Variants in RNLS observed in about 807,000 individuals in gnomAD.
RNLS encodes the protein renalase, FAD dependent amine oxidase.
RNLS carries 39 observed loss-of-function variants against 39.8 expected under a neutral mutation model. The observed-to-expected ratio is 0.98, with a 90% CI of 0.76 to 1.28. RNLS has a LOEUF of 1.28. Among genes scored for constraint, RNLS ranks in the 50% most tolerant of loss-of-function variants. The pLI is 0.00. For missense variants in RNLS, 410 were observed against 413.3 expected (o/e 0.99, Z 0.07); for synonymous variants, 147 against 150.7 (o/e 0.98, Z 0.18).
chr10:88,404,836 C>T (rs1853162464), intron 4 of RNLS, among the ~76,000 whole-genome samples: 1 of 151,976 alleles, frequency 6.6e-6, no homozygotes, highest in Non-Finnish European at 1.5e-5. Context: ...AGGCATGAAC[C>T]TGTCAAAAAG....
At chr10:88,400,524 T>C (rs1852849376) in intron 4 of RNLS, among the ~76,000 whole-genome samples, 1 of 152,018 alleles carries the variant, frequency 6.6e-6, no homozygotes, top group African/African-American at 2.4e-5. Context: ...GATATCTCTA[T>C]CCTCTTTACT....
At chr10:88,508,013 C>A (rs923765880) in intron 4 of RNLS, among the ~76,000 whole-genome samples, 2 of 152,114 alleles carry the variant, frequency 1.3e-5, no homozygotes, top group Non-Finnish European at 2.9e-5. Context: ...AAATGAATCA[C>A]CATTCTTTGA....
In RNLS at chr10:88,501,865, G is replaced by T. The variant is rs147527089; in HGVS notation, c.526+71038C>A. 7.2e-5 allele frequency among the ~76,000 whole-genome samples: 11 copies of T among 152,176 alleles called. No individual in the cohort carries two copies. The East Asian group carries it at 2.1e-3, about 29-fold the overall frequency. ...TCTCTTATTTTGCTCATCCAGACAA[G>T]AAATTTGTTCCATATGATCTTCACT... On this transcript the variant is annotated intron_variant, in intron 4 of 6. Transcript: ENST00000331772.
intron 4 of RNLS, among the ~76,000 whole-genome samples, chr10:88,511,690 A>G (rs1846130728): frequency 6.6e-6 from 1 of 152,142 alleles, no homozygotes; most frequent in Admixed American, 6.6e-5. Flanking sequence ...GTGCTGTCCC[A>G]GAAGCCAAGT....
chr10:88,321,073 A>T (rs1846153566), intron 5 of RNLS, among the ~76,000 whole-genome samples: 1 of 151,966 alleles, frequency 6.6e-6, no homozygotes, highest in African/African-American at 2.4e-5. Flanking sequence ...TAATACATTT[A>T]AAAACATCAA....
chr10:88,239,335 G>A, the RNLS span, among the ~76,000 whole-genome samples: 1 of 152,140 alleles, frequency 6.6e-6, no homozygotes, highest in East Asian at 1.9e-4. Context: ...TGGATCAGCA[G>A]GAGACTGCTC....
chr10:88,510,701 G>A (rs891808764), intron 4 of RNLS, among the ~76,000 whole-genome samples: 6 of 151,656 alleles, frequency 4.0e-5, no homozygotes, highest in Non-Finnish European at 7.4e-5. Flanking sequence ...AAAATTAGCC[G>A]GGCATGGTGG....
intron 4 of RNLS, among the ~76,000 whole-genome samples, chr10:88,444,316 C>T (rs1426786227): frequency 6.6e-6 from 1 of 152,144 alleles, no homozygotes; most frequent in Non-Finnish European, 1.5e-5. Context: ...CAAAACCCCA[C>T]CTGTACGTCA....
Position 88,362,842 on chromosome 10 carries a change from T to G in RNLS, c.527-117A>C, listed in dbSNP as rs1043679992. 13 of 822,588 alleles carry G rather than the reference T, an allele frequency of 1.6e-5. No homozygotes were observed. In the African/African-American group the frequency reaches 2.2e-4, roughly 14 times the overall value. The allele number at this position is 822,588 out of a possible 1,614,324, so 51.0% of individuals were successfully genotyped here. On this transcript the variant is annotated intron_variant, in intron 4 of 6. Coordinates refer to ENST00000331772, the MANE Select transcript of RNLS (RefSeq NM_001031709.3). ...CAGCTTCCACCAACTCCATCTCACT[T>G]ACAATGAATTTTGAAAGGTAATGTA... is the stretch of plus-strand genomic sequence containing the variant.
chr10:88,184,113 A>G, the RNLS span, among the ~76,000 whole-genome samples: 1 of 152,222 alleles, frequency 6.6e-6, no homozygotes, highest in African/African-American at 2.4e-5. Flanking sequence ...TAAATTCTCT[A>G]TCTGGATTCA....
chr10:88,276,155 T>C (rs114316130), intron 6 of RNLS, among the ~76,000 whole-genome samples: 2 of 152,252 alleles, frequency 1.3e-5, no homozygotes, highest in African/African-American at 4.8e-5. Flanking sequence ...TCTTAAAAAA[T>C]TGAGCTAAAA....
chr10:88,430,586 A>G (rs1285681889), intron 4 of RNLS, among the ~76,000 whole-genome samples: 5 of 151,898 alleles, frequency 3.3e-5, no homozygotes, highest in African/African-American at 4.8e-5. Flanking sequence ...TAGGAAAGAA[A>G]GCATTTGGTT....
intron 5 of RNLS, among the ~76,000 whole-genome samples, chr10:88,315,647 T>G (rs1845702257): frequency 6.6e-6 from 1 of 152,138 alleles, no homozygotes; most frequent in Admixed American, 6.6e-5. Context: ...ATGATCTATT[T>G]GAGTTACAGC....
chr10:88,280,250 G>A (rs750898285), downstream of RNLS, among the ~76,000 whole-genome samples: 57 of 152,160 alleles, frequency 3.7e-4, no homozygotes, highest in Non-Finnish European at 7.3e-4. Context: ...TCATTTTGCC[G>A]ATGACAAAGG....
At chr10:88,263,783 T>G in the RNLS span, among the ~76,000 whole-genome samples, 2 of 152,222 alleles carry the variant, frequency 1.3e-5, no homozygotes, top group Non-Finnish European at 2.9e-5. Context: ...CATTCTCATC[T>G]GTCCAAGGAG....
the RNLS span, among the ~76,000 whole-genome samples, chr10:88,214,700 A>G: frequency 4.6e-5 from 7 of 152,296 alleles, no homozygotes; most frequent in South Asian, 1.2e-3. Context: ...AAAACAAAAT[A>G]TTGTACAGTG....
chr10:88,577,961 A>G lies in RNLS; in HGVS notation c.367+3606T>C, dbSNP rs370240240. Among the ~76,000 whole-genome samples the G allele has an allele frequency of 3.3e-4, 50 of 152,298 alleles. 1 individual carries two copies. In the South Asian group the frequency reaches 0.01, roughly 31 times the overall value. On this transcript the variant is annotated intron_variant, in intron 3 of 6. Transcript: ENST00000331772. ...CCCTGGGAGTCTGGTCCCAATCTGAATGACCACTGGTTGGTCCATCAGATT... is the reference window on the plus strand; with the variant it reads ...CCCTGGGAGTCTGGTCCCAATCTGAGTGACCACTGGTTGGTCCATCAGATT...
chr10:88,530,354 C>A (rs1564876386), intron 4 of RNLS, among the ~76,000 whole-genome samples: 1 of 152,172 alleles, frequency 6.6e-6, no homozygotes. Context: ...ATACATTAAA[C>A]TTATTTCTAC....
In RNLS at chr10:88,410,780, C is replaced by T. The variant is rs1022599083; in HGVS notation, c.527-48055G>A. On this transcript the variant is annotated intron_variant, in intron 4 of 6. Coordinates refer to ENST00000331772, the MANE Select transcript of RNLS (RefSeq NM_001031709.3). Reference sequence around the variant, plus strand: ...TGCTTGTATCTTCATTCAACACCCCCGCTTACACTGTTGTTATTAAAGAAT... The same window carrying T: ...TGCTTGTATCTTCATTCAACACCCCTGCTTACACTGTTGTTATTAAAGAAT... Among the ~76,000 whole-genome samples the T allele has an allele frequency of 7.9e-5, 12 of 152,184 alleles. 4 individuals carry two copies. Among genetic ancestry groups the T allele is most frequent in the Admixed American group, 6.5e-4 (10 of 15,268 alleles).
Sources: allele counts gnomAD v4.1 joint callset (sites outside exome capture counted in the v4.1 genomes callset), GRCh38; gene constraint gnomAD v4.1.1; transcripts MANE v1.5; gene names NCBI Gene and HGNC (gene_info 2026-07-23, HGNC 2026-07-21).